The following RAD17 variants were observed in gnomAD, a reference collection of about 807,000 sequenced individuals.
The protein encoded by RAD17 is RAD17 checkpoint clamp loader component.
Under a neutral mutation model 81.5 loss-of-function variants are expected in RAD17, and 31 were observed. That is an observed-to-expected ratio of 0.38 (90% CI 0.29 to 0.51). The LOEUF (loss-of-function observed/expected upper bound fraction) is 0.51, where lower values mean the gene tolerates loss of function less well. Ranked by LOEUF, RAD17 falls within the 20% of genes least tolerant of loss-of-function variation. The pLI, the probability that RAD17 is intolerant of heterozygous loss-of-function variation, is 0.88. For synonymous variants in RAD17, 261 were observed against 266.2 expected (o/e 0.98, Z 0.19); for missense variants, 681 against 781.2 (o/e 0.87, Z 1.53).
chr5:69,376,903 G>A (rs568601814), intron 6 of RAD17, among the ~76,000 whole-genome samples: 3 of 151,976 alleles, frequency 2.0e-5, no homozygotes, highest in Non-Finnish European at 4.4e-5. Context: ...ACAGGCATGC[G>A]CCACCACACG....
At chr5:69,383,791 C>T (rs1418902189) in intron 7 of RAD17, among the ~76,000 whole-genome samples, 1 of 152,170 alleles carries the variant, frequency 6.6e-6, no homozygotes, top group Non-Finnish European at 1.5e-5. Context: ...GCTGGGACTA[C>T]AGACGTGTGT....
chr5:69,374,353 C>T (rs1328302086), intron 5 of RAD17, among the ~76,000 whole-genome samples: 2 of 152,056 alleles, frequency 1.3e-5, no homozygotes, highest in Non-Finnish European at 2.9e-5. Flanking sequence ...ATGTAATACT[C>T]CTCTCTACTG....
At chr5:69,403,792 G>C (rs1050849504) in intron 17 of RAD17, among the ~76,000 whole-genome samples, 5 of 152,052 alleles carry the variant, frequency 3.3e-5, no homozygotes, top group Non-Finnish European at 7.4e-5. Context: ...GTTGTGGCTT[G>C]CACCTGTAGT....
Position 69,381,990 on chromosome 5 carries a change from A to T in RAD17, c.441A>T (p.Val147=), listed in dbSNP as rs373675696. 1 of 1,609,346 alleles carries T rather than the reference A, an allele frequency of 6.2e-7. No individual in the cohort carries two copies. ...KILSKEHGIQ[V]QEWINPVLPD... Reference sequence around the variant, plus strand: ...TATCAAAGGAGCATGGTATTCAAGTACAAGAGTGGATTAATCCAGTTTTAC... The same window carrying T: ...TATCAAAGGAGCATGGTATTCAAGTTCAAGAGTGGATTAATCCAGTTTTAC... Residue 147 remains valine (V), a synonymous_variant, in exon 7 of 19, where the codon GTA becomes GTT. Transcript: ENST00000354868.
At position 69,378,791 on chromosome 5, in the gene RAD17, G is replaced by A. The variant is rs149779588; in HGVS notation, c.352-3110G>A. Among the ~76,000 whole-genome samples, 1,263 of 152,272 alleles carry A rather than the reference G, an allele frequency of 8.3e-3. 8 individuals carry two copies. Among genetic ancestry groups the A allele is most frequent in the Non-Finnish European group, 0.012 (818 of 68,020 alleles). ...CATTGTTGTGAGAATATCATAGAGT[G>A]TACTTACACAAACCTCCACCTAGGC... On this transcript the variant is annotated intron_variant, in intron 6 of 18. Transcript: ENST00000354868.
intron 17 of RAD17, among the ~76,000 whole-genome samples, chr5:69,408,423 C>T (rs1765765864): frequency 6.6e-6 from 1 of 151,594 alleles, no homozygotes; most frequent in Non-Finnish European, 1.5e-5. Flanking sequence ...GTGGTTTTAG[C>T]AGAGCTCACT....
At chr5:69,393,750 G>T (rs985286980) in intron 15 of RAD17, among the ~76,000 whole-genome samples, 2 of 151,658 alleles carry the variant, frequency 1.3e-5, no homozygotes, top group Admixed American at 1.3e-4. Context: ...CTGTGTGTGT[G>T]TGTAGAGACA....
intron 17 of RAD17, among the ~76,000 whole-genome samples, chr5:69,403,612 G>A (rs1765409102): frequency 6.6e-6 from 1 of 152,132 alleles, no homozygotes; most frequent in Non-Finnish European, 1.5e-5. Context: ...TCACTGATAA[G>A]GTCAACTCTA....
chr5:69,371,555 A>G lies in RAD17; in HGVS notation c.-178A>G, dbSNP rs1176479921. 3 of 1,442,638 alleles carry G rather than the reference A, an allele frequency of 2.1e-6. No homozygotes were observed. Among genetic ancestry groups the G allele is most frequent in the Admixed American group, 4.1e-5 (2 of 48,728 alleles). The allele number at this position is 1,442,638 out of a possible 1,614,324, so 89.4% of individuals were successfully genotyped here. A position where few individuals can be genotyped will look rare whatever the true frequency, so the allele number is the denominator to read the frequency against. On this transcript the variant is annotated splice_region_variant and 5_prime_UTR_variant, in exon 3 of 19. Transcript: ENST00000354868. ...TCTTAGACCAAAGGTATCTTCCACAAAGGTATGATACACTGGAATGGCCAT... is the reference window on the plus strand; with the variant it reads ...TCTTAGACCAAAGGTATCTTCCACAGAGGTATGATACACTGGAATGGCCAT...
At chr5:69,376,365 T>C (rs1763334661) in intron 6 of RAD17, among the ~76,000 whole-genome samples, 1 of 152,250 alleles carries the variant, frequency 6.6e-6, no homozygotes, top group South Asian at 2.1e-4. Context: ...TCTACAGTTA[T>C]TACTGGCATT....
At position 69,373,870 on chromosome 5, in the gene RAD17, A is replaced by G. The variant is rs1382278175; in HGVS notation, c.50A>G (p.Glu17Gly). Reference sequence around the variant, plus strand: ...GACCCATCATTTGATGATTTTCTAGAGTGTAGTGGCGTCTCTACTATTACT... The same window carrying G: ...GACCCATCATTTGATGATTTTCTAGGGTGTAGTGGCGTCTCTACTATTACT... Reference protein sequence around the residue: ...WVDPSFDDFLECSGVSTITAT... With the variant: ...WVDPSFDDFLGCSGVSTITAT... Residue 17 changes from glutamate (E) to glycine (G), a missense_variant, in exon 5 of 19, where the codon GAG becomes GGG. Physicochemically the swap from Glu to Gly is moderately conservative, Grantham distance 98 (BLOSUM62 -2). Coordinates refer to ENST00000354868, the MANE Select transcript of RAD17 (RefSeq NM_133338.3). The G allele has an allele frequency of 6.2e-7, 1 of 1,608,954 alleles. No individual in the cohort carries two copies. The highest frequency in any genetic ancestry group is 8.5e-7 in the Non-Finnish European group (1 of 1,176,962).
At position 69,372,221 on chromosome 5, in the gene RAD17, G is replaced by C; in HGVS notation, c.9+4G>C. On this transcript the variant is annotated splice_donor_region_variant and intron_variant, in intron 4 of 18. Coordinates refer to ENST00000354868, the MANE Select transcript of RAD17 (RefSeq NM_133338.3). ...TGATGAGGACGAAATGAATCAGGTA[G>C]CTATGACTAAAATTTTTTCCAGTGG... 1 of 1,601,040 alleles carries C rather than the reference G, an allele frequency of 6.2e-7. No homozygotes were observed. The highest frequency in any genetic ancestry group is 8.6e-7 in the Non-Finnish European group (1 of 1,168,732).
Position 69,407,576 on chromosome 5 carries a change from T to G in RAD17, c.1694-2917T>G, listed in dbSNP as rs1207113183. On this transcript the variant is annotated intron_variant, in intron 17 of 18. Transcript: ENST00000354868. ...TCTATGTCCAAGTTTTTTTTTTTTT[T>G]TTTTTTTTTTTTTTTTTGGAGACAG... Among the ~76,000 whole-genome samples the G allele has an allele frequency of 3.9e-4, 50 of 128,616 alleles. No homozygotes were observed. In the South Asian group the frequency reaches 6.5e-3, roughly 17 times the overall value. 84.4% of individuals were successfully genotyped at this position (128,616 alleles called of 152,430 possible). A position where few individuals can be genotyped will look rare whatever the true frequency, so the allele number is the denominator to read the frequency against.
rs1230759712 is a variant in RAD17, at chr5:69,396,406, T to C, written c.1432T>C (p.Leu478=). ...ILSGDWNTRS[L]LREYSTSIAT... is the part of the protein sequence containing the mutation. ...TTGTCTCATTTGTTAGACACGCTCT[T>C]TACTCAGGGAATATAGCACATCTAT... Residue 478 remains leucine, a synonymous_variant, in exon 16 of 19, where the codon TTA becomes CTA. Coordinates refer to ENST00000354868, the MANE Select transcript of RAD17 (RefSeq NM_133338.3). The C allele has an allele frequency of 6.2e-7, 1 of 1,610,722 alleles. No individual in the cohort carries two copies. Among genetic ancestry groups the C allele is most frequent in the East Asian group, 2.2e-5 (1 of 44,854 alleles).
intron 17 of RAD17, among the ~76,000 whole-genome samples, chr5:69,401,763 G>A (rs1354635327): frequency 2.6e-5 from 4 of 151,682 alleles, no homozygotes; most frequent in East Asian, 2.0e-4. Flanking sequence ...CAAGACGGGC[G>A]GATCACAAGG....
chr5:69,385,010 A>G, intron 8 of RAD17, 77 bp downstream of exon 8: 1 of 1,268,908 alleles, frequency 7.9e-7, no homozygotes. Context: ...CCCAGGCTGG[A>G]GTGCAGTGGC....
upstream of RAD17, chr5:69,369,420 C>A: frequency 6.2e-7 from 1 of 1,602,886 alleles, no homozygotes; most frequent in Non-Finnish European, 8.5e-7. Context: ...CTCTGCGCCC[C>A]CAGCCTGCCC....
At chr5:69,405,148 A>C (rs952724704) in intron 17 of RAD17, among the ~76,000 whole-genome samples, 7 of 152,216 alleles carry the variant, frequency 4.6e-5, no homozygotes, top group African/African-American at 1.7e-4. Context: ...AGGGAATCAC[A>C]GAGTTAGTAA....
intron 17 of RAD17, among the ~76,000 whole-genome samples, chr5:69,408,959 T>C (rs1284004591): frequency 6.6e-6 from 1 of 152,184 alleles, no homozygotes; most frequent in African/African-American, 2.4e-5. Context: ...CCCTTCTTAG[T>C]TGTCTCTTTC....
Sources: allele counts gnomAD v4.1 joint callset (sites outside exome capture counted in the v4.1 genomes callset), GRCh38; gene constraint gnomAD v4.1.1; transcripts MANE v1.5; gene names NCBI Gene and HGNC (gene_info 2026-07-23, HGNC 2026-07-21).